PTP4A1: variants seen among roughly 807,000 people sequenced by gnomAD.
PTP4A1 encodes protein tyrosine phosphatase 4A1.
A neutral mutation model predicts 20.5 loss-of-function variants in PTP4A1; 9 were observed. The observed-to-expected ratio is 0.44, with a 90% confidence interval of 0.26 to 0.77. PTP4A1 has a LOEUF of 0.77. Ranked by LOEUF, PTP4A1 falls within the 30% of genes least tolerant of loss-of-function variation. PTP4A1 has a pLI of 0.19. For missense variants in PTP4A1, 137 were observed against 218.8 expected (o/e 0.63, Z 2.36); for synonymous variants, 78 against 67.4 (o/e 1.16, Z -0.77).
intron 2 of PTP4A1, among the ~76,000 whole-genome samples, chr6:63,539,445 G>A (rs897861375): frequency 2.0e-5 from 3 of 151,934 alleles, no homozygotes; most frequent in African/African-American, 4.8e-5. Context: ...ATTCTTTATG[G>A]TTTGCAAATC....
chr6:63,519,539 A>G (rs763414322), upstream of PTP4A1, among the ~76,000 whole-genome samples: 1 of 152,196 alleles, frequency 6.6e-6, no homozygotes, highest in Non-Finnish European at 1.5e-5. Flanking sequence ...CTGACTTTCC[A>G]CTAATAAGGG....
intron 2 of PTP4A1, among the ~76,000 whole-genome samples, chr6:63,545,048 G>A (rs1776125392): frequency 6.6e-6 from 1 of 152,050 alleles, no homozygotes; most frequent in African/African-American, 2.4e-5. Context: ...TTCTAATTCT[G>A]CCATTTCTTC....
intron 2 of PTP4A1, among the ~76,000 whole-genome samples, chr6:63,539,428 A>G (rs904665016): frequency 1.3e-5 from 2 of 152,170 alleles, no homozygotes; most frequent in African/African-American, 4.8e-5. Context: ...CTTCATGTTT[A>G]ATCATTATTC....
At chr6:63,534,129 C>G (rs1775597098) in intron 2 of PTP4A1, among the ~76,000 whole-genome samples, 1 of 152,108 alleles carries the variant, frequency 6.6e-6, no homozygotes, top group Non-Finnish European at 1.5e-5. Flanking sequence ...AGGCATGAGC[C>G]ACAGTGCCCA....
chr6:63,548,173 A>G (rs1379422419), intron 2 of PTP4A1, among the ~76,000 whole-genome samples: 1 of 151,984 alleles, frequency 6.6e-6, no homozygotes, highest in Admixed American at 6.6e-5. Flanking sequence ...TTCCCTTAGC[A>G]CTTTTTATTT....
chr6:63,573,775 T>A (rs1309523211), intron 1 of PTP4A1, among the ~76,000 whole-genome samples: 1 of 152,086 alleles, frequency 6.6e-6, no homozygotes, highest in Non-Finnish European at 1.5e-5. Context: ...GTTCGGAGCG[T>A]CTTGGAAACT....
At chr6:63,563,438 C>A (rs182754151) in intron 3 of PTP4A1, among the ~76,000 whole-genome samples, 1 of 152,200 alleles carries the variant, frequency 6.6e-6, no homozygotes, top group Non-Finnish European at 1.5e-5. Flanking sequence ...CTTCCTCCCC[C>A]TCTTTTTGTG....
At chr6:63,517,808 A>C (rs567589285), upstream of PTP4A1, among the ~76,000 whole-genome samples, 1 of 152,264 alleles carries the variant, frequency 6.6e-6, no homozygotes, top group East Asian at 1.9e-4. Context: ...CATGTCAAAA[A>C]TGTCTCTACT....
Position 63,535,688 on chromosome 6 carries a change from GT to G in PTP4A1, c.-640+7608del, listed in dbSNP as rs540911448. On this transcript the variant is annotated intron_variant, in intron 2 of 3. Transcript: ENST00000639568. ...CAACATCATAAACACATTTATAGTA[GT>G]TTTGATGAGTTAGTCACAAGGATTG... Among the ~76,000 whole-genome samples, 403 of 152,278 alleles carry G rather than the reference GT, an allele frequency of 2.6e-3. 1 individual carries two copies. The highest frequency in any genetic ancestry group is 4.6e-3 in the Non-Finnish European group (311 of 68,028).
chr6:63,529,159 G>A (rs202146721), intron 2 of PTP4A1, among the ~76,000 whole-genome samples: 1 of 100,318 alleles, frequency 1.0e-5, no homozygotes, highest in South Asian at 3.1e-4. Context: ...GTATATATAT[G>A]TGTGTATATA....
chr6:63,569,582 ATTCTTCTAGTCTTAT>A (rs1488527848), upstream of PTP4A1, among the ~76,000 whole-genome samples: 1 of 152,166 alleles, frequency 6.6e-6, no homozygotes, highest in Non-Finnish European at 1.5e-5. Flanking sequence ...TCCTTATAAT[ATTCTTCTAGTCTTAT>A]TTCCCAACTG....
Position 63,579,349 on chromosome 6 carries a change from T to C in PTP4A1, c.404+18T>C, listed in dbSNP as rs928671349. ...ATAAGACAGTAAGTAATGGATTCTC[T>C]TTTCATTTGTACTCTCTTTCATTTC... On this transcript the variant is annotated intron_variant, in intron 5 of 5. Transcript: ENST00000626021. The C allele has an allele frequency of 6.4e-7, 1 of 1,552,364 alleles. No homozygotes were observed. The highest frequency in any genetic ancestry group is 1.8e-5 in the Admixed American group (1 of 55,056).
chr6:63,550,740 C>CCCAG (rs1284651972), intron 3 of PTP4A1, among the ~76,000 whole-genome samples: 1 of 151,406 alleles, frequency 6.6e-6, no homozygotes, highest in African/African-American at 2.4e-5. Context: ...TTCTCCCAGA[C>CCCAG]CCAGCCTCTG....
intron 2 of PTP4A1, among the ~76,000 whole-genome samples, chr6:63,577,222 G>A (rs1322015499): frequency 2.0e-4 from 30 of 152,348 alleles, no homozygotes; most frequent in African/African-American, 7.0e-4. Flanking sequence ...TATGTGGACA[G>A]TAAAACAGTA....
chr6:63,581,165 C>T lies in PTP4A1; in HGVS notation c.*991C>T, dbSNP rs570954323. ...TGATTTTTTTTTTCCTTCCCAACCT[C>T]TCTTGCAAAAAAAGAAATGGGTTTC... On this transcript the variant is annotated 3_prime_UTR_variant, in exon 6 of 6. Transcript: ENST00000626021. The T allele has an allele frequency of 6.6e-5, 10 of 151,502 alleles. No homozygotes were observed. The highest frequency in any genetic ancestry group is 1.5e-4 in the Non-Finnish European group (10 of 67,774). 9.4% of individuals were successfully genotyped at this position (151,502 alleles called of 1,614,324 possible).
intron 2 of PTP4A1, among the ~76,000 whole-genome samples, chr6:63,535,303 A>G (rs930223358): frequency 1.7e-4 from 26 of 152,094 alleles, no homozygotes; most frequent in African/African-American, 5.8e-4. Context: ...CGTTTCTACT[A>G]AAAATACAAA....
upstream of PTP4A1, among the ~76,000 whole-genome samples, chr6:63,570,772 A>G (rs1220139402): frequency 6.6e-6 from 1 of 152,242 alleles, no homozygotes; most frequent in Non-Finnish European, 1.5e-5. Context: ...ACACTATTAT[A>G]TACATTGGCC....
At chr6:63,562,308 T>C (rs944251339) in intron 3 of PTP4A1, among the ~76,000 whole-genome samples, 13 of 152,078 alleles carry the variant, frequency 8.5e-5, no homozygotes, top group African/African-American at 2.9e-4. Flanking sequence ...CAAGTGATTC[T>C]TCTGCCTCAG....
chr6:63,528,611 T>C (rs1775295669), intron 2 of PTP4A1, among the ~76,000 whole-genome samples: 1 of 151,644 alleles, frequency 6.6e-6, no homozygotes, highest in African/African-American at 2.4e-5. Context: ...TAGCCAGGCA[T>C]GGCGGCATGC....
Sources: gnomAD v4.1 joint callset for allele counts (sites outside exome capture counted in the v4.1 genomes callset) on GRCh38, gnomAD v4.1.1 for gene constraint, MANE v1.5 for transcripts, NCBI Gene and HGNC (gene_info 2026-07-23, HGNC 2026-07-21) for gene names.